The following SVIL variants were observed in gnomAD, a reference collection of about 807,000 sequenced individuals.
SVIL encodes archvillin.
In SVIL, 101 loss-of-function variants were observed where a neutral mutation model predicts 240.4. The observed-to-expected ratio is 0.42, with a 90% CI of 0.36 to 0.50. The LOEUF is 0.50. SVIL is among the 20% of genes least tolerant of loss of function. SVIL has a pLI of 0.01. For synonymous variants in SVIL, 999 were observed against 1,100.0 expected, an observed-to-expected ratio of 0.91 and a Z score of 1.82; for missense variants, 2,512 against 2,818.7, an observed-to-expected ratio of 0.89 and a Z score of 2.46.
chr10:29,636,603 T>G (rs1958318689), upstream of SVIL, among the ~76,000 whole-genome samples: 1 of 152,210 alleles, frequency 6.6e-6, no homozygotes, highest in Admixed American at 6.5e-5. Context: ...CAGTTAATTC[T>G]TCCTGTGCAA....
At chr10:29,481,175 T>G (rs1946804517) in intron 28 of SVIL, among the ~76,000 whole-genome samples, 1 of 151,784 alleles carries the variant, frequency 6.6e-6, no homozygotes, top group Non-Finnish European at 1.5e-5. Flanking sequence ...TGTTTGTTTG[T>G]GTGTCTGTGT....
chr10:29,632,494 A>C (rs1958138280), intron 1 of SVIL, among the ~76,000 whole-genome samples: 1 of 151,510 alleles, frequency 6.6e-6, no homozygotes, highest in Admixed American at 6.6e-5. Context: ...CCATCTCAAA[A>C]AAAAAAAAAA....
At position 29,519,050 on chromosome 10, in the gene SVIL, T is replaced by C. The variant is rs185292263; in HGVS notation, c.3389+3360A>G. 3.1e-3 allele frequency among the ~76,000 whole-genome samples: 469 copies of C among 152,146 alleles called. 7 individuals carry two copies. The South Asian group carries it at 0.045, about 15-fold the overall frequency. ...GGGGACAGGCATTTATAAAAAACGA[T>C]GAAGGAAATCTGCAAATTCCAGACT... On this transcript the variant is annotated intron_variant, in intron 16 of 37. Coordinates refer to ENST00000355867, the MANE Select transcript of SVIL (RefSeq NM_021738.3).
chr10:29,509,074 A>G (rs376851363), intron 17 of SVIL, among the ~76,000 whole-genome samples: 53 of 152,340 alleles, frequency 3.5e-4, no homozygotes, highest in African/African-American at 1.2e-3. Flanking sequence ...CTCTGGTGGA[A>G]TGAGTTACTC....
intron 1 of SVIL, among the ~76,000 whole-genome samples, chr10:29,706,952 T>C (rs2132657700): frequency 6.6e-6 from 1 of 152,260 alleles, no homozygotes; most frequent in South Asian, 2.1e-4. Context: ...TGGTTGTAGA[T>C]GTGTGGTATT....
chr10:29,664,289 T>C (rs1366470369), intron 2 of SVIL, among the ~76,000 whole-genome samples: 1 of 152,252 alleles, frequency 6.6e-6, no homozygotes, highest in East Asian at 1.9e-4. Context: ...TATGTTTTTT[T>C]TGATGGCTCC....
chr10:29,585,011 C>T (rs1956105649), intron 1 of SVIL, among the ~76,000 whole-genome samples: 1 of 152,170 alleles, frequency 6.6e-6, no homozygotes. Context: ...GCAGTCCTCT[C>T]CCACCTCAGC....
intron 1 of SVIL, among the ~76,000 whole-genome samples, chr10:29,614,074 G>C (rs1957347452): frequency 6.6e-6 from 1 of 152,054 alleles, no homozygotes. Context: ...ACCAGAAATA[G>C]GAGCTTTCTA....
At chr10:29,543,426 G>A (rs1162609704) in intron 6 of SVIL, among the ~76,000 whole-genome samples, 1 of 152,146 alleles carries the variant, frequency 6.6e-6, no homozygotes, top group African/African-American at 2.4e-5. Context: ...CCCAAGATTG[G>A]ACTAATCACT....
chr10:29,599,884 C>A (rs1041950189), intron 1 of SVIL, among the ~76,000 whole-genome samples: 4 of 151,920 alleles, frequency 2.6e-5, no homozygotes, highest in African/African-American at 9.7e-5. Context: ...TTAATGACAG[C>A]CCTCTTCTGT....
At chr10:29,642,136 T>C (rs895312691) in intron 3 of SVIL, among the ~76,000 whole-genome samples, 8 of 152,108 alleles carry the variant, frequency 5.3e-5, no homozygotes, top group African/African-American at 1.7e-4. Context: ...CGGTGGCTCA[T>C]GCCTATAATC....
rs183745027 is a variant in SVIL at position 29,720,470 on chromosome 10, C to T, written c.-400+15281G>A. On this transcript the variant is annotated intron_variant, in intron 1 of 35. Coordinates refer to the SVIL transcript ENST00000375400. ...AAATAAAGGCAAAATAAGGATTTAT[C>T]AGACATATAAAAATGGAATGAATTC... Among the ~76,000 whole-genome samples, 271 of 152,198 alleles carry T rather than the reference C, an allele frequency of 1.8e-3. 2 individuals are homozygous for T. The highest frequency in any genetic ancestry group is 6.3e-3 in the African/African-American group (262 of 41,538).
chr10:29,482,021 C>CTTT lies in SVIL; in HGVS notation c.4956-296_4956-294dup, dbSNP rs35856299. Among the ~76,000 whole-genome samples, 204 of 113,382 alleles carry CTTT rather than the reference C, an allele frequency of 1.8e-3. 3 individuals are homozygous for CTTT. Among genetic ancestry groups the CTTT allele is most frequent in the African/African-American group, 5.6e-3 (188 of 33,606 alleles). The allele number at this position is 113,382 out of a possible 152,430, so 74.4% of individuals were successfully genotyped here. ...ACATTCTAGCAAGTTCTTTTCTTTT[C>CTTT]TTTTTTTTTTTTTTTTTTTTTTTTA... On this transcript the variant is annotated intron_variant, in intron 27 of 37. Transcript: ENST00000355867.
At chr10:29,523,262 T>C (rs905731677) in intron 15 of SVIL, among the ~76,000 whole-genome samples, 189 bp downstream of exon 15, 1 of 152,190 alleles carries the variant, frequency 6.6e-6, no homozygotes. Flanking sequence ...CCAGTAGTTT[T>C]ATTGCTGAAA....
At chr10:29,710,298 C>A (rs980453743) in intron 1 of SVIL, among the ~76,000 whole-genome samples, 5 of 152,212 alleles carry the variant, frequency 3.3e-5, no homozygotes, top group African/African-American at 9.6e-5. Flanking sequence ...AATTGATCTG[C>A]CCACCTTGGC....
rs1323836648 is a variant in SVIL, at chr10:29,498,105, A to AAG, written c.3664+1010_3664+1011insCT. On this transcript the variant is annotated intron_variant, in intron 18 of 37. Transcript: ENST00000355867. ...CCCTCCACCAAAAAAAAAAAAAAAA[A>AAG]AAAAAAAAAAAAGAAAAAAGTAATT... Among the ~76,000 whole-genome samples, 9 of 149,570 alleles carry AAG rather than the reference A, an allele frequency of 6.0e-5. 1 individual carries two copies. Among genetic ancestry groups the AAG allele is most frequent in the African/African-American group, 2.2e-4 (9 of 40,734 alleles).
intron 30 of SVIL, among the ~76,000 whole-genome samples, chr10:29,471,939 A>G (rs1945631133): frequency 6.6e-6 from 1 of 152,142 alleles, no homozygotes; most frequent in Non-Finnish European, 1.5e-5. Flanking sequence ...ATCTAAAATG[A>G]TTTTCCAGAG....
At chr10:29,613,193 A>G (rs924545245) in intron 1 of SVIL, among the ~76,000 whole-genome samples, 4 of 148,594 alleles carry the variant, frequency 2.7e-5, no homozygotes, top group Non-Finnish European at 4.5e-5. Context: ...AAAAAAAAAG[A>G]AGAAGGAGGA....
chr10:29,459,121 T>A (rs903853449), intron 36 of SVIL, among the ~76,000 whole-genome samples: 1 of 151,650 alleles, frequency 6.6e-6, no homozygotes, highest in African/African-American at 2.4e-5. Flanking sequence ...CAAATTTTGT[T>A]ATTTTTTAGA....
Sources: gnomAD v4.1 joint callset for allele counts (sites outside exome capture counted in the v4.1 genomes callset) on GRCh38, gnomAD v4.1.1 for gene constraint, MANE v1.5 for transcripts, NCBI Gene and HGNC (gene_info 2026-07-23, HGNC 2026-07-21) for gene names.